ABHD3: variants seen among roughly 807,000 people sequenced by gnomAD.
ABHD3 encodes the protein phospholipase ABHD3.
In ABHD3, 46 loss-of-function variants were observed where a neutral mutation model predicts 48.8. The observed-to-expected ratio is 0.94, with a 90% CI of 0.74 to 1.20. The LOEUF (loss-of-function observed/expected upper bound fraction) is 1.20. Ranked by LOEUF, ABHD3 falls within the 50% of genes most tolerant of loss-of-function variation. The pLI is 0.00. For synonymous variants in ABHD3, 192 were observed against 183.7 expected, an observed-to-expected ratio of 1.04 and a Z score of -0.36; for missense variants, 490 against 497.8, an observed-to-expected ratio of 0.98 and a Z score of 0.15.
intron 3 of ABHD3, among the ~76,000 whole-genome samples, chr18:21,699,794 C>T (rs1202020931): frequency 6.6e-6 from 1 of 152,100 alleles, no homozygotes; most frequent in African/African-American, 2.4e-5. Flanking sequence ...GATTCTCCCT[C>T]AGCCTCCCGA....
chr18:21,694,751 C>CA (rs1480581621), intron 3 of ABHD3, among the ~76,000 whole-genome samples: 1 of 152,102 alleles, frequency 6.6e-6, no homozygotes, highest in Non-Finnish European at 1.5e-5. Context: ...GTCATCTATC[C>CA]AGCAGTTTGG....
chr18:21,667,266 C>G lies in ABHD3; in HGVS notation c.556-3036G>C, dbSNP rs185352629. ...TTTTTTTTTTTTTTTTTTTTTGAGACGGAGTTTCCCTGCTGTTGCCCAGGC... is the reference window on the plus strand; with the variant it reads ...TTTTTTTTTTTTTTTTTTTTTGAGAGGGAGTTTCCCTGCTGTTGCCCAGGC... On this transcript the variant is annotated intron_variant, in intron 4 of 8. Coordinates refer to ENST00000289119, the MANE Select transcript of ABHD3 (RefSeq NM_138340.5). Among the ~76,000 whole-genome samples the G allele has an allele frequency of 6.8e-3, 611 of 90,352 alleles. 8 individuals are homozygous for G. The highest frequency in any genetic ancestry group is 0.027 in the African/African-American group (575 of 21,132). The allele number at this position is 90,352 out of a possible 152,430, so 59.3% of individuals were successfully genotyped here.
intron 4 of ABHD3, among the ~76,000 whole-genome samples, chr18:21,674,760 G>A (rs192008840): frequency 1.4e-3 from 210 of 152,260 alleles, no homozygotes; most frequent in Middle Eastern, 0.014. Flanking sequence ...TGTCCAGTAG[G>A]GAGGTACTGC....
At chr18:21,684,954 A>T (rs1054835541) in intron 3 of ABHD3, among the ~76,000 whole-genome samples, 45 of 152,354 alleles carry the variant, frequency 3.0e-4, no homozygotes, top group African/African-American at 1.1e-3. Flanking sequence ...ATGTTGGCTC[A>T]AGTAAGTACT....
At chr18:21,675,639 T>C (rs1317534440) in intron 4 of ABHD3, among the ~76,000 whole-genome samples, 1 of 152,078 alleles carries the variant, frequency 6.6e-6, no homozygotes, top group Non-Finnish European at 1.5e-5. Flanking sequence ...AAATGCCAGT[T>C]CAGGATAAGC....
chr18:21,663,629 C>T, intron 5 of ABHD3: 1 of 1,519,722 alleles, frequency 6.6e-7, no homozygotes, highest in Non-Finnish European at 8.8e-7. Context: ...GAGCACTCCA[C>T]AGTAGTTCCA....
At chr18:21,661,228 A>G (rs1309485531) in intron 5 of ABHD3, among the ~76,000 whole-genome samples, 1 of 152,064 alleles carries the variant, frequency 6.6e-6, no homozygotes, top group Non-Finnish European at 1.5e-5. Context: ...AGCAAACAAG[A>G]CTATTTGGGA....
In ABHD3 at chr18:21,667,778, A is replaced by G. The variant is rs184014815; in HGVS notation, c.556-3548T>C. 1.2e-3 allele frequency among the ~76,000 whole-genome samples: 187 copies of G among 152,298 alleles called. 2 individuals are homozygous for G. Among genetic ancestry groups the G allele is most frequent in the African/African-American group, 4.4e-3 (181 of 41,564 alleles). Reference sequence around the variant, plus strand: ...GAAACTGAATTTAGAGAGGTTAAATAACTCCTGTAACATCTTAACAGCTAC... The same window carrying G: ...GAAACTGAATTTAGAGAGGTTAAATGACTCCTGTAACATCTTAACAGCTAC... On this transcript the variant is annotated intron_variant, in intron 4 of 8. Transcript: ENST00000289119.
chr18:21,676,661 G>C (rs780242686), intron 4 of ABHD3, among the ~76,000 whole-genome samples: 1 of 152,216 alleles, frequency 6.6e-6, no homozygotes, highest in South Asian at 2.1e-4. Flanking sequence ...AAAGTGCTGG[G>C]ATTACCCGCA....
intron 3 of ABHD3, among the ~76,000 whole-genome samples, chr18:21,698,527 G>A (rs1046193259): frequency 7.3e-5 from 11 of 151,646 alleles, no homozygotes; most frequent in Admixed American, 2.0e-4. Flanking sequence ...TAGATGATGA[G>A]GGAAGTAAGA....
chr18:21,684,478 G>A (rs933811795), intron 3 of ABHD3, among the ~76,000 whole-genome samples: 42 of 151,390 alleles, frequency 2.8e-4, no homozygotes, highest in African/African-American at 9.2e-4. Context: ...ACCACCATGC[G>A]CGGCTAATTT....
chr18:21,659,076 T>C, intron 6 of ABHD3, 94 bp downstream of exon 6: 1 of 1,299,866 alleles, frequency 7.7e-7, no homozygotes, highest in East Asian at 2.5e-5. Context: ...CCTGACCTCG[T>C]GATCCCCCCG....
At chr18:21,691,358 T>C (rs2040248064) in intron 3 of ABHD3, among the ~76,000 whole-genome samples, 1 of 152,310 alleles carries the variant, frequency 6.6e-6, no homozygotes, top group African/African-American at 2.4e-5. Context: ...AAGATAAAAG[T>C]GAGCTATAGT....
At chr18:21,680,936 C>T (rs1049879510) in intron 4 of ABHD3, among the ~76,000 whole-genome samples, 1 of 151,322 alleles carries the variant, frequency 6.6e-6, no homozygotes, top group Non-Finnish European at 1.5e-5. Context: ...ATATGTTGCC[C>T]AGGCTGGTCT....
At chr18:21,665,025 A>T (rs577180786) in intron 4 of ABHD3, among the ~76,000 whole-genome samples, 1 of 151,122 alleles carries the variant, frequency 6.6e-6, no homozygotes, top group East Asian at 2.0e-4. Flanking sequence ...GCTCACTGCA[A>T]CCTCTGCCTC....
intron 4 of ABHD3, among the ~76,000 whole-genome samples, chr18:21,675,262 G>GTTTTTTTTT (rs61119109): frequency 1.2e-5 from 1 of 85,476 alleles, no homozygotes; most frequent in South Asian, 4.8e-4. Context: ...AATGAGGTGG[G>GTTTTTTTTT]TTTTTTTTTT....
At chr18:21,697,746 G>A (rs1471253155) in intron 3 of ABHD3, among the ~76,000 whole-genome samples, 1 of 152,140 alleles carries the variant, frequency 6.6e-6, no homozygotes, top group African/African-American at 2.4e-5. Context: ...ACAAACTTAA[G>A]CCTAGTTTCC....
chr18:21,685,329 G>A (rs1374937356), intron 3 of ABHD3, among the ~76,000 whole-genome samples: 1 of 152,082 alleles, frequency 6.6e-6, no homozygotes, highest in Non-Finnish European at 1.5e-5. Context: ...CTCTTCTCAG[G>A]GAGTTTAGAT....
At chr18:21,656,812 T>C (rs2039361578) in intron 8 of ABHD3, 49 bp downstream of exon 8, 1 of 1,452,500 alleles carries the variant, frequency 6.9e-7, no homozygotes, top group Non-Finnish European at 9.2e-7. Flanking sequence ...AATAACAATA[T>C]ATTAAAAGTT....
Sources: gnomAD v4.1 joint callset for allele counts (sites outside exome capture counted in the v4.1 genomes callset) on GRCh38, gnomAD v4.1.1 for gene constraint, MANE v1.5 for transcripts, NCBI Gene and HGNC (gene_info 2026-07-23, HGNC 2026-07-21) for gene names.